Variants in HRH2 observed in about 807,000 individuals in gnomAD.
HRH2 encodes the protein histamine H2 receptor.
HRH2 carries 4 observed loss-of-function variants against 20.1 expected under a neutral mutation model. The ratio of observed to expected loss-of-function variants is 0.20; its 90% CI spans 0.10 to 0.45. The LOEUF is 0.45. Ranked by LOEUF, HRH2 falls within the 20% of genes least tolerant of loss-of-function variation. The pLI, the probability that HRH2 is intolerant of heterozygous loss-of-function variation, is 0.99. For missense variants in HRH2, 250 were observed against 461.6 expected (o/e 0.54, Z 4.20); for synonymous variants, 197 against 200.7 (o/e 0.98, Z 0.16).
At chr5:175,700,817 G>A (rs1343129452) in intron 2 of HRH2, among the ~76,000 whole-genome samples, 1 of 152,174 alleles carries the variant, frequency 6.6e-6, no homozygotes, top group Non-Finnish European at 1.5e-5. Context: ...GAACCCGGGA[G>A]GCGAAGGTTG....
Position 175,677,522 on chromosome 5 carries a change from G to C in HRH2, c.-525-5187G>C, listed in dbSNP as rs1471260330. ...CTGAAGCCACGTTGGTCCGCAGCTC[G>C]TATCGGGGCAGCCACTCTGGGCTTG... On this transcript the variant is annotated intron_variant, in intron 1 of 2. Coordinates refer to ENST00000636584, the MANE Select transcript of HRH2 (RefSeq NM_001367711.1). This position sits in a 1 kb window ranked among gnomAD's most constrained non-coding sequence, Gnocchi z 4.2. Among the ~76,000 whole-genome samples the C allele has an allele frequency of 1.3e-5, 2 of 152,210 alleles. No individual in the cohort carries two copies. Among genetic ancestry groups the C allele is most frequent in the Non-Finnish European group, 2.9e-5 (2 of 68,040 alleles).
At position 175,685,425 on chromosome 5, in the gene HRH2, C is replaced by G. The variant is rs545484904; in HGVS notation, c.1076+1116C>G. On this transcript the variant is annotated intron_variant, in intron 2 of 2. Transcript: ENST00000636584. ...TTCCCACAGACCATGGCTTTGCCTT[C>G]CAGAATGCTGGTCTGTGGAACTGAC... 1.4e-4 allele frequency: 221 copies of G among 1,551,090 alleles called. 2 individuals carry two copies. In the South Asian group the frequency reaches 2.5e-3, roughly 18 times the overall value.
At chr5:175,663,873 C>T (rs1762808906) in intron 1 of HRH2, among the ~76,000 whole-genome samples, 1 of 152,246 alleles carries the variant, frequency 6.6e-6, no homozygotes. Flanking sequence ...GGCAAGCCAC[C>T]TCCCCTCTCT....
rs1254222523 is a variant in HRH2 at position 175,687,213 on chromosome 5, A to G, written c.1076+2904A>G. On this transcript the variant is annotated intron_variant, in intron 2 of 2. Coordinates refer to ENST00000636584, the MANE Select transcript of HRH2 (RefSeq NM_001367711.1). This position sits in a 1 kb window ranked among gnomAD's most constrained non-coding sequence, Gnocchi z 5.2. Reference sequence around the variant, plus strand: ...ATGGAGGGCGGAGGGAGCCAAGAACAGCCAGAGGTTGATATTCCCACCAAG... The same window carrying G: ...ATGGAGGGCGGAGGGAGCCAAGAACGGCCAGAGGTTGATATTCCCACCAAG... Among the ~76,000 whole-genome samples the G allele has an allele frequency of 6.6e-6, 1 of 152,146 alleles. No homozygotes were observed. The highest frequency in any genetic ancestry group is 6.5e-5 in the Admixed American group (1 of 15,276).
At chr5:175,705,366 A>G (rs910795830) in intron 2 of HRH2, among the ~76,000 whole-genome samples, 1 of 152,256 alleles carries the variant, frequency 6.6e-6, no homozygotes, top group African/African-American at 2.4e-5. Flanking sequence ...ACCGGGGGAC[A>G]GGTCCAGTGA....
At chr5:175,672,849 C>A (rs758233131) in intron 1 of HRH2, among the ~76,000 whole-genome samples, 5 of 152,152 alleles carry the variant, frequency 3.3e-5, no homozygotes, top group Non-Finnish European at 5.9e-5. Context: ...GTCCAGGAGG[C>A]CCCTCGGCAG....
chr5:175,684,745 A>G (rs1436891793), intron 2 of HRH2, among the ~76,000 whole-genome samples: 1 of 152,252 alleles, frequency 6.6e-6, no homozygotes, highest in Non-Finnish European at 1.5e-5. Context: ...TTGTGGGGTT[A>G]AATGAGAAAC....
chr5:175,661,419 T>C (rs1762734490), intron 1 of HRH2, among the ~76,000 whole-genome samples: 1 of 152,246 alleles, frequency 6.6e-6, no homozygotes, highest in Non-Finnish European at 1.5e-5. Context: ...TGTTGTTTGT[T>C]GTATTCTTAC....
intron 1 of HRH2, among the ~76,000 whole-genome samples, chr5:175,665,577 G>C (rs1243137447): frequency 1.3e-5 from 2 of 152,170 alleles, no homozygotes; most frequent in Non-Finnish European, 2.9e-5. Context: ...GTTGCTTCCA[G>C]GCACAGAGCA....
rs1762631407 is a variant in HRH2, at chr5:175,658,428, G to A, written c.-526+273G>A. On this transcript the variant is annotated intron_variant, in intron 1 of 2. Transcript: ENST00000636584. ...TCCCCAAGGGGGCGTTGAGAGCTCG[G>A]GATGCAGCCCCGGTGCACAGCAGTG... 2.0e-5 allele frequency among the ~76,000 whole-genome samples: 3 copies of A among 152,350 alleles called. No homozygotes were observed. The South Asian group carries it at 6.2e-4, about 32-fold the overall frequency.
chr5:175,674,227 G>T (rs115187878), intron 1 of HRH2, among the ~76,000 whole-genome samples: 28 of 152,148 alleles, frequency 1.8e-4, no homozygotes, highest in Admixed American at 5.9e-4. Flanking sequence ...GGCAGGGGGG[G>T]TCTGGGGATA....
intron 2 of HRH2, among the ~76,000 whole-genome samples, chr5:175,694,527 C>T (rs1186135501): frequency 6.6e-6 from 1 of 152,190 alleles, no homozygotes; most frequent in African/African-American, 2.4e-5. Flanking sequence ...TATGGGCCCC[C>T]ACCCCTAGGA....
intron 1 of HRH2, among the ~76,000 whole-genome samples, chr5:175,666,678 G>A (rs1455461543): frequency 3.3e-5 from 5 of 152,050 alleles, no homozygotes; most frequent in African/African-American, 1.2e-4. Flanking sequence ...CGATCCACCC[G>A]CCTTGCCTCC....
intron 1 of HRH2, among the ~76,000 whole-genome samples, chr5:175,669,364 CT>C (rs33964139): frequency 0.23 from 30,937 of 132,868 alleles, 5,175 homozygotes; most frequent in African/African-American, 0.55. Context: ...TTCTTTCTTT[CT>C]TTTTTTTTTT....
intron 1 of HRH2, among the ~76,000 whole-genome samples, chr5:175,665,066 T>C (rs1318368810): frequency 6.6e-6 from 1 of 152,230 alleles, no homozygotes; most frequent in Non-Finnish European, 1.5e-5. Context: ...TTAATCAGGA[T>C]GGCCTGGCTC....
chr5:175,677,882 C>T lies in HRH2; in HGVS notation c.-525-4827C>T, dbSNP rs745750186. Among the ~76,000 whole-genome samples the T allele has an allele frequency of 5.9e-5, 9 of 152,198 alleles. No homozygotes were observed. Among genetic ancestry groups the T allele is most frequent in the African/African-American group, 2.2e-4 (9 of 41,446 alleles). ...CCTTCCAATCACATCACCCTCTGCT[C>T]GAACTTCCCCTCCACCTGCCGGAGG... is the stretch of plus-strand genomic sequence containing the variant. On this transcript the variant is annotated intron_variant, in intron 1 of 2. Coordinates refer to ENST00000636584, the MANE Select transcript of HRH2 (RefSeq NM_001367711.1). The surrounding 1 kb of genome is among the most constrained non-coding windows in gnomAD (Gnocchi z 4.2).
At chr5:175,659,454 T>A (rs12654601) in intron 1 of HRH2, among the ~76,000 whole-genome samples, 27,469 of 152,000 alleles carry the variant, frequency 0.18, 2,944 homozygotes, top group African/African-American at 0.29. Context: ...GAAAATAACT[T>A]ATCTCGAGAA....
At chr5:175,667,445 TC>T (rs1324869438) in intron 1 of HRH2, among the ~76,000 whole-genome samples, 2 of 85,802 alleles carry the variant, frequency 2.3e-5, no homozygotes, top group Non-Finnish European at 4.4e-5. Context: ...ACTCCGTCCC[TC>T]CCCCCACCCC....
chr5:175,663,434 T>C (rs1762795191), intron 1 of HRH2, among the ~76,000 whole-genome samples: 1 of 152,220 alleles, frequency 6.6e-6, no homozygotes, highest in Non-Finnish European at 1.5e-5. Context: ...TCAGTGTGCT[T>C]GTTGGCCATT....
Sources: allele counts gnomAD v4.1 joint callset (sites outside exome capture counted in the v4.1 genomes callset), GRCh38; gene constraint gnomAD v4.1.1; non-coding constraint Gnocchi (gnomAD v3.1); transcripts MANE v1.5; gene names NCBI Gene and HGNC (gene_info 2026-07-23, HGNC 2026-07-21).